Variants in PCCA observed in about 807,000 individuals in gnomAD.
PCCA encodes the protein propionyl-CoA carboxylase subunit alpha.
A neutral mutation model predicts 101.3 loss-of-function variants in PCCA; 74 were observed. The ratio of observed to expected loss-of-function variants is 0.73; its 90% CI spans 0.61 to 0.89. The LOEUF is 0.89. Ranked by LOEUF, PCCA falls within the 40% of genes least tolerant of loss-of-function variation. The pLI is 0.00. For synonymous variants in PCCA, 294 were observed against 313.6 expected, an observed-to-expected ratio of 0.94 and a Z score of 0.66; for missense variants, 891 against 907.0, an observed-to-expected ratio of 0.98 and a Z score of 0.23.
In PCCA at chr13:100,109,056, A is replaced by G. The variant is rs146406086; in HGVS notation, c.184-2785A>G. On this transcript the variant is annotated intron_variant, in intron 2 of 23. Coordinates refer to ENST00000376285, the MANE Select transcript of PCCA (RefSeq NM_000282.4). ...ATTTGTTTTGTTATAGCTTTTCCCC[A>G]GTTAGACAGATAGGGGCACACTCCT... Among the ~76,000 whole-genome samples, 330 of 152,326 alleles carry G rather than the reference A, an allele frequency of 2.2e-3. 4 individuals carry two copies. Among genetic ancestry groups the G allele is most frequent in the African/African-American group, 7.6e-3 (315 of 41,580 alleles).
At chr13:100,122,613 A>G (rs1411323769) in intron 4 of PCCA, among the ~76,000 whole-genome samples, 1 of 151,956 alleles carries the variant, frequency 6.6e-6, no homozygotes, top group Non-Finnish European at 1.5e-5. Flanking sequence ...TTGGTATAGT[A>G]TTTTCTTATT....
At chr13:100,383,333 A>G (rs895872982) in intron 19 of PCCA, among the ~76,000 whole-genome samples, 1 of 151,918 alleles carries the variant, frequency 6.6e-6, no homozygotes, top group Non-Finnish European at 1.5e-5. Context: ...TTTGAGAGCA[A>G]TATAAGATTT....
chr13:100,317,496 C>T (rs972021953), intron 16 of PCCA, among the ~76,000 whole-genome samples: 1 of 152,170 alleles, frequency 6.6e-6, no homozygotes. Flanking sequence ...TGCTATTTTC[C>T]TCTCAACCTG....
intron 7 of PCCA, among the ~76,000 whole-genome samples, chr13:100,222,737 A>G (rs953016859): frequency 6.6e-6 from 1 of 152,232 alleles, no homozygotes; most frequent in Non-Finnish European, 1.5e-5. Flanking sequence ...TGTTTTTAAG[A>G]CTAAAGTCTT....
In PCCA at chr13:100,268,723, T is replaced by G. The variant is rs1325207123; in HGVS notation, c.854T>G (p.Leu285Arg). The G allele has an allele frequency of 3.1e-6, 5 of 1,614,104 alleles. No individual in the cohort carries two copies. The highest frequency in any genetic ancestry group is 4.2e-6 in the Non-Finnish European group (5 of 1,179,934). The change falls in exon 11 of 24, where the codon CTT (leucine) becomes CGT (arginine). Residue 285 changes from leucine to arginine, a missense_variant. Coordinates refer to ENST00000376285, the MANE Select transcript of PCCA (RefSeq NM_000282.4). The stretch of plus-strand genomic sequence containing the variant: ...GATAAACATGGGAATGCTTTATGGC[T>G]TAATGAAAGAGAGTGCTCAATTCAG... Reference protein sequence around the residue: ...LGDKHGNALWLNERECSIQRR... With the variant: ...LGDKHGNALWRNERECSIQRR...
intron 4 of PCCA, among the ~76,000 whole-genome samples, chr13:100,135,580 A>G (rs955257283): frequency 3.9e-5 from 6 of 152,132 alleles, no homozygotes; most frequent in Non-Finnish European, 8.8e-5. Flanking sequence ...GGGGTTGTCT[A>G]TGTAGATAAT....
chr13:100,103,038 A>G, intron 2 of PCCA, 78 bp downstream of exon 2: 1 of 919,308 alleles, frequency 1.1e-6, no homozygotes, highest in Non-Finnish European at 1.8e-6. Flanking sequence ...CACTGTGTTC[A>G]GTGGACAGAT....
chr13:100,529,368 C>G (rs1208558516), intron 23 of PCCA, among the ~76,000 whole-genome samples: 1 of 152,182 alleles, frequency 6.6e-6, no homozygotes, highest in Non-Finnish European at 1.5e-5. Context: ...GAGTTCTAAT[C>G]CATTTTTCAT....
chr13:100,341,539 G>A (rs952237079), intron 18 of PCCA, among the ~76,000 whole-genome samples: 3 of 152,150 alleles, frequency 2.0e-5, no homozygotes, highest in Non-Finnish European at 4.4e-5. Flanking sequence ...CCATAGCCAC[G>A]CGTGGTTAGC....
At chr13:100,430,212 G>A (rs1026634431) in intron 20 of PCCA, among the ~76,000 whole-genome samples, 1 of 152,078 alleles carries the variant, frequency 6.6e-6, no homozygotes, top group African/African-American at 2.4e-5. Context: ...GTTGTGGTGA[G>A]CTGAGATCGC....
chr13:100,506,440 C>T (rs935992395), intron 21 of PCCA, among the ~76,000 whole-genome samples: 3 of 152,168 alleles, frequency 2.0e-5, no homozygotes, highest in East Asian at 1.9e-4. Context: ...TCTTGGCCGA[C>T]GGTCTACCTC....
At chr13:100,448,573 CAGT>C (rs1184245818) in intron 20 of PCCA, among the ~76,000 whole-genome samples, 3 of 152,066 alleles carry the variant, frequency 2.0e-5, no homozygotes, top group Non-Finnish European at 2.9e-5. Flanking sequence ...TTTTTAGTAG[CAGT>C]AGTAGTTACT....
chr13:100,182,457 G>A (rs1026151994), intron 6 of PCCA, among the ~76,000 whole-genome samples: 3 of 152,126 alleles, frequency 2.0e-5, no homozygotes, highest in Non-Finnish European at 4.4e-5. Flanking sequence ...TGCTTACTGT[G>A]GAACCAGTGT....
rs146589365 is a variant in PCCA at position 100,157,321 on chromosome 13, A to G, written c.449A>G (p.Lys150Arg). The change falls in exon 6 of 24, where the codon AAA (lysine) becomes AGA (arginine). Residue 150 changes from lysine (K) to arginine (R), a missense_variant. By Grantham distance (26) the Lys-to-Arg change is conservative. Coordinates refer to ENST00000376285, the MANE Select transcript of PCCA (RefSeq NM_000282.4). The part of the protein sequence containing the change: ...HPGYGFLSEN[K>R]EFARCLAAED... The stretch of plus-strand genomic sequence containing the variant: ...GGTTATGGATTCCTTTCAGAAAACA[A>G]AGAATTTGCCAGATGTTTGGTAAGT... The G allele has an allele frequency of 5.3e-5, 85 of 1,611,264 alleles. No individual in the cohort carries two copies. The highest frequency in any genetic ancestry group is 7.0e-5 in the Non-Finnish European group (82 of 1,177,730).
At chr13:100,321,528 C>G (rs1414742162) in intron 16 of PCCA, among the ~76,000 whole-genome samples, 1 of 150,830 alleles carries the variant, frequency 6.6e-6, no homozygotes, top group Non-Finnish European at 1.5e-5. Flanking sequence ...CCAAGTAAAT[C>G]ATTACCCACA....
At chr13:100,170,172 C>G (rs748114565) in intron 6 of PCCA, among the ~76,000 whole-genome samples, 6 of 152,322 alleles carry the variant, frequency 3.9e-5, no homozygotes, top group Admixed American at 2.6e-4. Context: ...CTATTTTAAA[C>G]TTACGGTAAC....
intron 18 of PCCA, among the ~76,000 whole-genome samples, chr13:100,341,242 G>A (rs944625219): frequency 7.2e-5 from 11 of 152,184 alleles, no homozygotes; most frequent in African/African-American, 2.2e-4. Flanking sequence ...GAGGAAAATG[G>A]TCAATAGAAC....
intron 7 of PCCA, among the ~76,000 whole-genome samples, chr13:100,223,830 CCAA>C (rs932933725): frequency 6.6e-6 from 1 of 152,182 alleles, no homozygotes; most frequent in African/African-American, 2.4e-5. Context: ...CAAAGGTTCT[CCAA>C]GTCCCCACCA....
At chr13:100,363,584 C>G (rs1426811126) in intron 18 of PCCA, among the ~76,000 whole-genome samples, 1 of 152,186 alleles carries the variant, frequency 6.6e-6, no homozygotes, top group Non-Finnish European at 1.5e-5. Flanking sequence ...AAACTGACCT[C>G]AGTGGCCATG....
Sources: gnomAD v4.1 joint callset for allele counts (sites outside exome capture counted in the v4.1 genomes callset) on GRCh38, gnomAD v4.1.1 for gene constraint, MANE v1.5 for transcripts, NCBI Gene and HGNC (gene_info 2026-07-23, HGNC 2026-07-21) for gene names.